Variants in MKI67 observed in about 807,000 individuals in gnomAD.
The protein encoded by MKI67 is marker of proliferation Ki-67, also known as proliferation marker protein Ki-67.
In MKI67, 152 loss-of-function variants were observed where a neutral mutation model predicts 233.5. That is an observed-to-expected ratio of 0.65 (90% CI 0.57 to 0.74). The LOEUF is 0.74. Among genes scored for constraint, MKI67 ranks in the 30% least tolerant of loss-of-function variants. MKI67 has a pLI of 0.00. For missense variants in MKI67, 3,940 were observed against 3,885.2 expected (o/e 1.01, Z -0.37); for synonymous variants, 1,465 against 1,418.5 (o/e 1.03, Z -0.74).
At chr10:128,110,605 T>G (rs1852654430) in intron 11 of MKI67, 72 bp from the exon 12 acceptor site, 6 of 1,224,354 alleles carry the variant, frequency 4.9e-6, no homozygotes. Flanking sequence ...AGCCCTCACA[T>G]GTAACGTGCA....
At chr10:128,111,595 A>G in intron 11 of MKI67, 50 bp downstream of exon 11, 1 of 1,496,388 alleles carries the variant, frequency 6.7e-7, no homozygotes, top group Non-Finnish European at 9.1e-7. Context: ...TTAACACAGT[A>G]AAAAACAGTA....
intron 5 of MKI67, among the ~76,000 whole-genome samples, chr10:128,118,326 G>A (rs1852849482): frequency 6.6e-6 from 1 of 151,594 alleles, no homozygotes; most frequent in African/African-American, 2.4e-5. Flanking sequence ...AACCCAGGAG[G>A]CGGAGGTTGC....
At position 128,103,557 on chromosome 10, in the gene MKI67, T is replaced by G; in HGVS notation, c.8283A>C (p.Lys2761Asn). 3.1e-6 allele frequency: 5 copies of G among 1,613,886 alleles called. No individual in the cohort carries two copies. The highest frequency in any genetic ancestry group is 4.2e-6 in the Non-Finnish European group (5 of 1,179,948). The change falls in exon 13 of 15, where the codon AAA becomes AAC. Residue 2761 changes from lysine (K) to asparagine (N), a missense_variant. Transcript: ENST00000368654. The part of the protein sequence containing the change: ...DADKEPAGED[K>N]GIKALKESAK... Reference sequence around the variant, plus strand: ...CAGATTCCTTCAATGCTTTGATGCCTTTATCTTCACCTGCTGGTTCTTTGT... The same window carrying G: ...CAGATTCCTTCAATGCTTTGATGCCGTTATCTTCACCTGCTGGTTCTTTGT...
At chr10:128,122,787 T>G (rs181020823) in intron 4 of MKI67, 94 bp downstream of exon 4, 26 of 600,086 alleles carry the variant, frequency 4.3e-5, no homozygotes, top group Admixed American at 3.6e-4. Flanking sequence ...TTGACATCCA[T>G]GAACATTAAA....
At position 128,107,490 on chromosome 10, in the gene MKI67, A is replaced by G. The variant is rs780852316; in HGVS notation, c.4350T>C (p.Gly1450=). The G allele has an allele frequency of 1.2e-6, 2 of 1,613,752 alleles. No individual in the cohort carries two copies. The highest frequency in any genetic ancestry group is 1.7e-6 in the Non-Finnish European group (2 of 1,179,958). ...QKLDPAASVT[G]SKRHPKTKEK... ...CCTTAGTTTTTGGGTGCCTCTTGCT[A>G]CCAGTTACACTTGCTGCTGGGTCCA... The change falls in exon 13 of 15, where the codon GGT becomes GGC. Residue 1450 remains glycine (G), a synonymous_variant. Coordinates refer to ENST00000368654, the MANE Select transcript of MKI67 (RefSeq NM_002417.5).
intron 8 of MKI67, among the ~76,000 whole-genome samples, chr10:128,113,177 C>G (rs1278823437): frequency 1.3e-5 from 2 of 151,594 alleles, no homozygotes; most frequent in Non-Finnish European, 2.9e-5. Flanking sequence ...TGTCTGGGAA[C>G]TTCTGCACGA....
chr10:128,101,149 G>T, intron 14 of MKI67, 109 bp downstream of exon 14: 1 of 990,496 alleles, frequency 1.0e-6, no homozygotes, highest in Non-Finnish European at 1.5e-6. Flanking sequence ...CTGGGAGCTG[G>T]CAGAGTGCTG....
chr10:128,112,996 G>GT (rs1852714901), intron 8 of MKI67, among the ~76,000 whole-genome samples: 1 of 152,240 alleles, frequency 6.6e-6, no homozygotes, highest in Non-Finnish European at 1.5e-5. Flanking sequence ...GTAAAAGGAA[G>GT]ATGTGCCATT....
intron 5 of MKI67, among the ~76,000 whole-genome samples, chr10:128,118,182 G>C (rs1475722378): frequency 6.6e-6 from 1 of 152,162 alleles, no homozygotes; most frequent in Non-Finnish European, 1.5e-5. Context: ...TGGATCACGA[G>C]GTTAGGAGTT....
chr10:128,119,644 G>GCTT (rs1475664478), intron 4 of MKI67, among the ~76,000 whole-genome samples: 1 of 152,180 alleles, frequency 6.6e-6, no homozygotes. Flanking sequence ...TGAGAGCAAA[G>GCTT]TCAAGTTTCT....
At chr10:128,121,006 GT>G (rs1852923459) in intron 4 of MKI67, among the ~76,000 whole-genome samples, 1 of 152,036 alleles carries the variant, frequency 6.6e-6, no homozygotes, top group Non-Finnish European at 1.5e-5. Flanking sequence ...AATTAAGGGG[GT>G]GGAAAAGTTA....
At position 128,109,036 on chromosome 10, in the gene MKI67, T is replaced by C; in HGVS notation, c.2804A>G (p.Asn935Ser). Residue 935 changes from asparagine (N) to serine (S), a missense_variant, in exon 13 of 15, where the codon AAT becomes AGT. Transcript: ENST00000368654. ...IERPFETYKE[N>S]IELKENDEKM... The stretch of plus-strand genomic sequence containing the variant: ...TTCATCGTTTTCTTTTAATTCAATA[T>C]TTTCCTTATATGTCTCAAAAGGTCT... 1 of 1,614,164 alleles carries C rather than the reference T, an allele frequency of 6.2e-7. No homozygotes were observed. Among genetic ancestry groups the C allele is most frequent in the Non-Finnish European group, 8.5e-7 (1 of 1,180,016 alleles).
Position 128,108,792 on chromosome 10 carries a change from G to A in MKI67, c.3048C>T (p.Asn1016=), listed in dbSNP as rs1852595554. 6.2e-7 allele frequency: 1 copy of A among 1,614,204 alleles called. No individual in the cohort carries two copies. The highest frequency in any genetic ancestry group is 2.2e-5 in the East Asian group (1 of 44,872). The part of the protein sequence containing the change: ...PCQSLQPEPI[N]TPTHTKQQLK... ...ACTGTTGTTTTGTGTGTGTTGGGGT[G>A]TTTATTGGTTCTGGTTGTAATGACT... Residue 1016 remains asparagine, a synonymous_variant, in exon 13 of 15, where the codon AAC becomes AAT. Transcript: ENST00000368654.
intron 4 of MKI67, among the ~76,000 whole-genome samples, chr10:128,120,345 A>T (rs2136149854): frequency 6.6e-6 from 1 of 152,186 alleles, no homozygotes; most frequent in East Asian, 1.9e-4. Context: ...TGCAAAAATT[A>T]GCCGGGTGTT....
At chr10:128,102,108 A>G (rs1221162311) in intron 13 of MKI67, among the ~76,000 whole-genome samples, 3 of 152,132 alleles carry the variant, frequency 2.0e-5, no homozygotes, top group Non-Finnish European at 4.4e-5. Flanking sequence ...GTTTCCCCAA[A>G]CTTCTCTGCA....
chr10:128,105,488 T>C lies in MKI67; in HGVS notation c.6352A>G (p.Arg2118Gly), dbSNP rs1852461824. The C allele has an allele frequency of 2.5e-6, 4 of 1,614,148 alleles. No individual in the cohort carries two copies. The highest frequency in any genetic ancestry group is 3.4e-6 in the Non-Finnish European group (4 of 1,180,032). Reference sequence around the variant, plus strand: ...CCCAAAGGTGTTTTGGGCCGCCTCCTTGTGCTTGTTGGAGTGTCCATTGAT... The same window carrying C: ...CCCAAAGGTGTTTTGGGCCGCCTCCCTGTGCTTGTTGGAGTGTCCATTGAT... Reference protein sequence around the residue: ...PESMDTPTSTRRRPKTPLGKR... With the variant: ...PESMDTPTSTGRRPKTPLGKR... Residue 2118 changes from arginine (R) to glycine (G), a missense_variant, in exon 13 of 15, where the codon AGG becomes GGG. By Grantham distance (125) the Arg-to-Gly change is moderately radical. Transcript: ENST00000368654.
rs1208724636 is a variant in MKI67 at position 128,106,069 on chromosome 10, G to A, written c.5771C>T (p.Pro1924Leu). Reference sequence around the variant, plus strand: ...TCCTAGCAGGTCCAGTTTCTCCACTGGAGTCCCCACAAATGTGTTGATGTC... The same window carrying A: ...TCCTAGCAGGTCCAGTTTCTCCACTAGAGTCCCCACAAATGTGTTGATGTC... ...EKDINTFVGTPVEKLDLLGNL... is the reference protein window; with the variant it reads ...EKDINTFVGTLVEKLDLLGNL... The change falls in exon 13 of 15, where the codon CCA (proline) becomes CTA (leucine). Residue 1924 changes from proline to leucine, a missense_variant. Transcript: ENST00000368654. The A allele has an allele frequency of 6.2e-7, 1 of 1,613,930 alleles. No individual in the cohort carries two copies. The highest frequency in any genetic ancestry group is 1.3e-5 in the African/African-American group (1 of 74,872).
At position 128,111,932 on chromosome 10, in the gene MKI67, G is replaced by GGCA; in HGVS notation, c.2082_2083insTGC (p.Thr694_Pro695insCys). 1.2e-6 allele frequency: 2 copies of GGCA among 1,610,552 alleles called. No homozygotes were observed. Among genetic ancestry groups the GGCA allele is most frequent in the Non-Finnish European group, 1.7e-6 (2 of 1,178,730 alleles). ...CCATTCAGTGAGGCCCCTACCTTTG[G>GGCA]AGTAGCAGGTCTTCTTTGCCTTTTG... On this transcript the variant is annotated inframe_insertion, in exon 10 of 15. Coordinates refer to ENST00000368654, the MANE Select transcript of MKI67 (RefSeq NM_002417.5).
chr10:128,101,440 C>T lies in MKI67; in HGVS notation c.9523G>A (p.Gly3175Arg), dbSNP rs772736682. Reference protein sequence around the residue: ...SQPKVAEESGGQKSAKVLMQN... With the variant: ...SQPKVAEESGRQKSAKVLMQN... The stretch of plus-strand genomic sequence containing the variant: ...ATGAGAACCTTCGCACTCTTCTGCC[C>T]TCCGCTCTCCTCTGCCACCTTAGGC... The change falls in exon 14 of 15, where the codon GGG becomes AGG. Residue 3175 changes from glycine to arginine, a missense_variant. By Grantham distance (125) the Gly-to-Arg change is moderately radical. Coordinates refer to ENST00000368654, the MANE Select transcript of MKI67 (RefSeq NM_002417.5). 1.2e-6 allele frequency: 2 copies of T among 1,614,052 alleles called. No individual in the cohort carries two copies. Among genetic ancestry groups the T allele is most frequent in the South Asian group, 1.1e-5 (1 of 91,086 alleles).
Sources: gnomAD v4.1 joint callset for allele counts (sites outside exome capture counted in the v4.1 genomes callset) on GRCh38, gnomAD v4.1.1 for gene constraint, MANE v1.5 for transcripts, NCBI Gene and HGNC (gene_info 2026-07-23, HGNC 2026-07-21) for gene names.